MILR1: variants seen among roughly 807,000 people sequenced by gnomAD.
MILR1 encodes mast cell immunoglobulin like receptor 1.
MILR1 carries 31 observed loss-of-function variants against 18.5 expected under a neutral mutation model. That is an observed-to-expected ratio of 1.68 (90% CI 1.26 to 2.26). MILR1 has a LOEUF of 2.26. Ranked by LOEUF, MILR1 falls within the 30% of genes most tolerant of loss-of-function variation. The pLI is 0.00. For synonymous variants in MILR1, 85 were observed against 56.2 expected (o/e 1.51, Z -2.30); for missense variants, 257 against 157.4 (o/e 1.63, Z -3.38).
chr17:64,480,534 T>G, the MILR1 span: 2 of 510,896 alleles, frequency 3.9e-6, no homozygotes. Context: ...TGTTTATAAC[T>G]TCCATATCAT....
At chr17:64,453,835 C>A (rs1483126861) in intron 3 of MILR1, among the ~76,000 whole-genome samples, 1 of 152,120 alleles carries the variant, frequency 6.6e-6, no homozygotes, top group Non-Finnish European at 1.5e-5. Flanking sequence ...AGCGTAGGGA[C>A]CCTGACTTCC....
the MILR1 span, among the ~76,000 whole-genome samples, chr17:64,493,566 C>A: frequency 1.3e-5 from 2 of 151,924 alleles, no homozygotes; most frequent in Non-Finnish European, 2.9e-5. Flanking sequence ...CTCATTGCAA[C>A]CTCCGCCTCC....
chr17:64,461,373 A>G (rs1158806336), intron 5 of MILR1, among the ~76,000 whole-genome samples: 1 of 151,852 alleles, frequency 6.6e-6, no homozygotes, highest in Non-Finnish European at 1.5e-5. Context: ...TCAGCCTCCC[A>G]AGAAGCTGGG....
chr17:64,457,768 C>G (rs1293358557), intron 4 of MILR1, 84 bp downstream of exon 4: 2 of 462,918 alleles, frequency 4.3e-6, no homozygotes, highest in African/African-American at 4.0e-5. Flanking sequence ...CATTTCCCAC[C>G]ATGGCCACCT....
chr17:64,482,549 A>G, the MILR1 span, among the ~76,000 whole-genome samples: 3 of 151,830 alleles, frequency 2.0e-5, no homozygotes, highest in South Asian at 2.1e-4. Context: ...CGATCTCTTG[A>G]CCTCGTGATC....
intron 5 of MILR1, among the ~76,000 whole-genome samples, chr17:64,462,748 C>A (rs978986752): frequency 2.6e-5 from 4 of 151,324 alleles, no homozygotes; most frequent in Admixed American, 1.3e-4. Flanking sequence ...TCAAGCGATT[C>A]TCCTGCCTCA....
At chr17:64,449,673 G>C (rs960177280) in intron 2 of MILR1, among the ~76,000 whole-genome samples, 2 of 151,916 alleles carry the variant, frequency 1.3e-5, no homozygotes, top group Non-Finnish European at 1.5e-5. Context: ...TGGTGCCTCC[G>C]GCCTGTAATC....
At chr17:64,479,548 T>C in the MILR1 span, among the ~76,000 whole-genome samples, 20 of 152,150 alleles carry the variant, frequency 1.3e-4, no homozygotes, top group South Asian at 3.9e-3. Flanking sequence ...TTCACAACTT[T>C]TCACCCAAAA....
chr17:64,490,955 T>C, the MILR1 span: 71 of 1,613,512 alleles, frequency 4.4e-5, no homozygotes, highest in Non-Finnish European at 5.7e-5. Flanking sequence ...TGAAGTTAGA[T>C]GGACTCATGG....
the MILR1 span, chr17:64,496,400 A>C: frequency 6.4e-7 from 1 of 1,551,510 alleles, no homozygotes; most frequent in East Asian, 2.3e-5. Context: ...GAAATCGTGA[A>C]GCATACCGTG....
the MILR1 span, among the ~76,000 whole-genome samples, chr17:64,490,018 G>A: frequency 8.6e-5 from 13 of 151,482 alleles, 1 homozygote; most frequent in Admixed American, 3.3e-4. Flanking sequence ...TCCACCTCCC[G>A]GGTTCAAGCG....
chr17:64,492,745 T>C, the MILR1 span: 7 of 1,612,894 alleles, frequency 4.3e-6, no homozygotes, highest in Admixed American at 1.7e-5. Flanking sequence ...TAAACCATAC[T>C]AACGAAGCTT....
the MILR1 span, chr17:64,477,855 T>A: frequency 5.6e-6 from 9 of 1,609,210 alleles, no homozygotes; most frequent in Non-Finnish European, 7.6e-6. Flanking sequence ...ATATACTTAA[T>A]CAAAAAGTCT....
Position 64,462,286 on chromosome 17 carries a change from T to C in MILR1, c.763+1354T>C, listed in dbSNP as rs1016348825. On this transcript the variant is annotated intron_variant, in intron 5 of 9. Coordinates refer to ENST00000619286, the MANE Select transcript of MILR1 (RefSeq NM_001085423.2). Reference sequence around the variant, plus strand: ...CTCAAACAATCCTCCCACCTCGGCCTCCCACAGTGTTGGGATTATAGGCGT... The same window carrying C: ...CTCAAACAATCCTCCCACCTCGGCCCCCCACAGTGTTGGGATTATAGGCGT... 1.5e-4 allele frequency among the ~76,000 whole-genome samples: 23 copies of C among 152,134 alleles called. No homozygotes were observed. The South Asian group carries it at 3.1e-3, about 21-fold the overall frequency.
At chr17:64,452,166 G>A (rs2037189429) in intron 2 of MILR1, among the ~76,000 whole-genome samples, 1 of 148,950 alleles carries the variant, frequency 6.7e-6, no homozygotes. Flanking sequence ...TCGAACTCCT[G>A]ACCTCAAGTG....
chr17:64,458,706 G>A (rs2037357731), intron 4 of MILR1, among the ~76,000 whole-genome samples: 1 of 151,906 alleles, frequency 6.6e-6, no homozygotes, highest in Non-Finnish European at 1.5e-5. Context: ...GGGGTTCAGG[G>A]AGCCGTGGGG....
intron 6 of MILR1, among the ~76,000 whole-genome samples, chr17:64,465,794 T>G (rs1174020657): frequency 1.3e-5 from 2 of 150,758 alleles, no homozygotes; most frequent in Non-Finnish European, 3.0e-5. Flanking sequence ...CATGATTTTG[T>G]TTTTTTTTCA....
intron 2 of MILR1, among the ~76,000 whole-genome samples, chr17:64,450,715 C>T (rs2037151101): frequency 6.6e-6 from 1 of 152,096 alleles, no homozygotes; most frequent in Admixed American, 6.6e-5. Context: ...AACTCTTGAC[C>T]TCGTGATCCT....
Position 64,468,501 on chromosome 17 carries a change from C to T in MILR1, c.*220C>T. 3 of 478,482 alleles carry T rather than the reference C, an allele frequency of 6.3e-6. No individual in the cohort carries two copies. Among genetic ancestry groups the T allele is most frequent in the South Asian group, 2.1e-5 (1 of 48,760 alleles). 29.6% of individuals were successfully genotyped at this position (478,482 alleles called of 1,614,324 possible). On this transcript the variant is annotated 3_prime_UTR_variant, in exon 10 of 10. Coordinates refer to ENST00000619286, the MANE Select transcript of MILR1 (RefSeq NM_001085423.2). ...ATGGGGTTTCACTATGGTGGCCAGG[C>T]TGGTCTTGAACTCCTGACCTCAGAT...
Sources: allele counts gnomAD v4.1 joint callset (sites outside exome capture counted in the v4.1 genomes callset), GRCh38; gene constraint gnomAD v4.1.1; transcripts MANE v1.5; gene names NCBI Gene and HGNC (gene_info 2026-07-23, HGNC 2026-07-21).